CA8: variants seen among roughly 807,000 people sequenced by gnomAD.
The protein encoded by CA8 is carbonic anhydrase 8 (inactive), also known as carbonic anhydrase-related protein.
Under a neutral mutation model 41.4 loss-of-function variants are expected in CA8, and 22 were observed. The observed-to-expected ratio is 0.53, with a 90% confidence interval of 0.38 to 0.76. The LOEUF (loss-of-function observed/expected upper bound fraction) is 0.76. Ranked by LOEUF, CA8 falls within the 30% of genes least tolerant of loss-of-function variation. The pLI, the probability that CA8 is intolerant of heterozygous loss-of-function variation, is 0.00. For missense variants in CA8, 270 were observed against 352.8 expected, an observed-to-expected ratio of 0.77 and a Z score of 1.88; for synonymous variants, 121 against 130.6, an observed-to-expected ratio of 0.93 and a Z score of 0.50.
chr8:60,206,749 T>C (rs13278859), intron 8 of CA8, among the ~76,000 whole-genome samples: 46,897 of 151,776 alleles, frequency 0.31, 8,885 homozygotes, highest in Non-Finnish European at 0.43. Flanking sequence ...TTCCTTCCCA[T>C]TGCAGCACAG....
chr8:60,198,264 G>A (rs139244473), intron 8 of CA8, among the ~76,000 whole-genome samples: 147 of 152,116 alleles, frequency 9.7e-4, no homozygotes, highest in African/African-American at 3.2e-3. Context: ...TAAAAATACC[G>A]GTCTCATAGG....
At chr8:60,272,644 T>A (rs925364269) in intron 2 of CA8, among the ~76,000 whole-genome samples, 1 of 152,184 alleles carries the variant, frequency 6.6e-6, no homozygotes, top group Non-Finnish European at 1.5e-5. Flanking sequence ...CCATCAAGGA[T>A]TATTTCAAAT....
intron 3 of CA8, among the ~76,000 whole-genome samples, chr8:60,233,421 C>G (rs10106102): frequency 0.35 from 53,879 of 151,880 alleles, 10,009 homozygotes; most frequent in Admixed American, 0.43. Flanking sequence ...CTAGGGGGAG[C>G]TAATGAAGTC....
intron 4 of CA8, among the ~76,000 whole-genome samples, chr8:60,227,287 T>C (rs563980298): frequency 2.6e-4 from 39 of 151,714 alleles, no homozygotes; most frequent in Non-Finnish European, 4.9e-4. Flanking sequence ...AGCAAGACTC[T>C]GTCTCAAAAA....
chr8:60,220,384 C>T (rs891306925), intron 7 of CA8, among the ~76,000 whole-genome samples: 2 of 152,036 alleles, frequency 1.3e-5, no homozygotes, highest in African/African-American at 2.4e-5. Flanking sequence ...ACATTAGGTA[C>T]CAGAGGACAT....
At chr8:60,237,853 C>G (rs1230731271) in intron 3 of CA8, among the ~76,000 whole-genome samples, 1 of 152,240 alleles carries the variant, frequency 6.6e-6, no homozygotes, top group Admixed American at 6.5e-5. Context: ...CTCCTTATAA[C>G]TCTTCCCCCC....
intron 3 of CA8, among the ~76,000 whole-genome samples, chr8:60,258,572 T>A (rs2130572706): frequency 6.6e-6 from 1 of 152,292 alleles, no homozygotes. Flanking sequence ...GTGCATTACA[T>A]TTATTGTGCA....
chr8:60,225,263 T>G (rs991002209), intron 5 of CA8, among the ~76,000 whole-genome samples: 3 of 152,186 alleles, frequency 2.0e-5, no homozygotes, highest in Non-Finnish European at 4.4e-5. Context: ...AATAGTCCTG[T>G]CATGTGACTC....
At position 60,232,317 on chromosome 8, in the gene CA8, C is replaced by A. The variant is rs537454715; in HGVS notation, c.480G>T (p.Pro160=). The change falls in exon 4 of 9, where the codon CCG becomes CCT. Residue 160 remains proline (P), a synonymous_variant. Transcript: ENST00000317995. Reference sequence around the variant, plus strand: ...ACAGAGCAATGATGGCGATTCCGTGCGGCTTCCCCACAGCCTCATCAATGC... The same window carrying A: ...ACAGAGCAATGATGGCGATTCCGTGAGGCTTCCCCACAGCCTCATCAATGC... The part of the protein sequence containing the change: ...FGSIDEAVGK[P]HGIAIIALFV... 9.3e-6 allele frequency: 15 copies of A among 1,613,714 alleles called. No individual in the cohort carries two copies. The highest frequency in any genetic ancestry group is 2.2e-5 in the South Asian group (2 of 91,088).
At chr8:60,276,185 C>A in intron 2 of CA8, among the ~76,000 whole-genome samples, 1 of 152,250 alleles carries the variant, frequency 6.6e-6, no homozygotes, top group African/African-American at 2.4e-5. Context: ...AACATTCGAT[C>A]TAACACAGGA....
In CA8 at chr8:60,281,387, A is replaced by T. The variant is rs1382539902; in HGVS notation, c.-240T>A. The T allele has an allele frequency of 5.5e-6, 3 of 543,302 alleles. No homozygotes were observed. Among genetic ancestry groups the T allele is most frequent in the Non-Finnish European group, 3.3e-6 (1 of 304,048 alleles). The allele number at this position is 543,302 out of a possible 1,614,324, so 33.7% of individuals were successfully genotyped here. A position where few individuals can be genotyped will look rare whatever the true frequency, so the allele number is the denominator to read the frequency against. Reference sequence around the variant, plus strand: ...TCCGGAGGCCCCAGCAGAGCGAGGGAGCGGCTGTGGCCTGGGGAGCGAGCG... The same window carrying T: ...TCCGGAGGCCCCAGCAGAGCGAGGGTGCGGCTGTGGCCTGGGGAGCGAGCG... On this transcript the variant is annotated 5_prime_UTR_variant, in exon 1 of 9. Coordinates refer to ENST00000317995, the MANE Select transcript of CA8 (RefSeq NM_004056.6).
At chr8:60,194,524 G>T (rs550611123) in intron 8 of CA8, among the ~76,000 whole-genome samples, 14 of 152,268 alleles carry the variant, frequency 9.2e-5, no homozygotes, top group African/African-American at 3.4e-4. Context: ...TCACTCAATT[G>T]TGTCTGTGTC....
chr8:60,272,072 C>T (rs1804090473), intron 2 of CA8, among the ~76,000 whole-genome samples: 1 of 152,132 alleles, frequency 6.6e-6, no homozygotes, highest in Non-Finnish European at 1.5e-5. Flanking sequence ...GACTCTGCTA[C>T]CTTGAAATTT....
chr8:60,253,505 C>T (rs1323203534), intron 3 of CA8, among the ~76,000 whole-genome samples: 1 of 152,138 alleles, frequency 6.6e-6, no homozygotes, highest in Admixed American at 6.5e-5. Flanking sequence ...ACCACCTCTT[C>T]TTTTGCCATC....
intron 7 of CA8, among the ~76,000 whole-genome samples, chr8:60,210,970 G>T (rs1806814928): frequency 6.6e-6 from 1 of 152,120 alleles, no homozygotes; most frequent in South Asian, 2.1e-4. Context: ...AGAGTGAAAA[G>T]GAACCTGGTC....
At chr8:60,263,321 T>TAAA (rs11345369) in intron 3 of CA8, among the ~76,000 whole-genome samples, 1 of 132,936 alleles carries the variant, frequency 7.5e-6, no homozygotes, top group Non-Finnish European at 1.6e-5. Context: ...GACTCCATCT[T>TAAA]AAAAAAAAAA....
At chr8:60,262,346 A>AG in intron 3 of CA8, among the ~76,000 whole-genome samples, 1 of 152,124 alleles carries the variant, frequency 6.6e-6, no homozygotes, top group African/African-American at 2.4e-5. Context: ...AAAAAAAAAA[A>AG]AAAAAAAATC....
chr8:60,244,431 T>C (rs1298579400), intron 3 of CA8, among the ~76,000 whole-genome samples: 2 of 152,224 alleles, frequency 1.3e-5, no homozygotes, highest in Non-Finnish European at 2.9e-5. Flanking sequence ...AATGAATATA[T>C]CTTTTTACAA....
At chr8:60,272,013 G>A (rs1360964875) in intron 2 of CA8, among the ~76,000 whole-genome samples, 2 of 152,138 alleles carry the variant, frequency 1.3e-5, no homozygotes, top group East Asian at 1.9e-4. Context: ...AGTCTGGTCA[G>A]ATCACCCTGG....
Sources: allele counts gnomAD v4.1 joint callset (sites outside exome capture counted in the v4.1 genomes callset), GRCh38; gene constraint gnomAD v4.1.1; transcripts MANE v1.5; gene names NCBI Gene and HGNC (gene_info 2026-07-23, HGNC 2026-07-21).